ADGRB3: variants seen among roughly 807,000 people sequenced by gnomAD.
ADGRB3 encodes adhesion G protein-coupled receptor B3, also known as brain-specific angiogenesis inhibitor 3.
ADGRB3 carries 37 observed loss-of-function variants against 193.4 expected under a neutral mutation model. That is an observed-to-expected ratio of 0.19 (90% CI 0.15 to 0.25). The LOEUF is 0.25. Ranked by LOEUF, ADGRB3 falls within the 10% of genes least tolerant of loss-of-function variation. ADGRB3 has a pLI of 1.00. For synonymous variants in ADGRB3, 690 were observed against 644.2 expected (o/e 1.07, Z -1.08); for missense variants, 1,637 against 1,852.9 (o/e 0.88, Z 2.14).
intron 26 of ADGRB3, among the ~76,000 whole-genome samples, chr6:69,351,095 C>CTTT (rs10649928): frequency 0.023 from 3,201 of 139,212 alleles, 67 homozygotes; most frequent in Non-Finnish European, 0.028. Context: ...TCCCTAGATA[C>CTTT]TTTTTTTTTT....
chr6:68,818,564 GA>G (rs1166439667), intron 3 of ADGRB3, among the ~76,000 whole-genome samples: 3 of 152,014 alleles, frequency 2.0e-5, no homozygotes, highest in East Asian at 1.9e-4. Context: ...TGGAAAGGGG[GA>G]AAAAAGGTGC....
intron 17 of ADGRB3, among the ~76,000 whole-genome samples, chr6:69,176,771 G>A (rs1002583304): frequency 6.6e-6 from 1 of 152,076 alleles, no homozygotes; most frequent in African/African-American, 2.4e-5. Flanking sequence ...TTTTCATCAC[G>A]TTAGTTAAGT....
chr6:68,749,343 C>T (rs1461925664), intron 3 of ADGRB3, among the ~76,000 whole-genome samples: 3 of 151,082 alleles, frequency 2.0e-5, no homozygotes, highest in South Asian at 4.2e-4. Context: ...TTGCAGGCAG[C>T]CTATTGTGGG....
intron 31 of ADGRB3, 21 bp downstream of exon 31, chr6:69,382,956 T>C (rs773330466): frequency 6.7e-7 from 1 of 1,496,302 alleles, no homozygotes; most frequent in African/African-American, 1.4e-5. Context: ...TTTGCTTCAA[T>C]GCCTGAGTAG....
At position 68,879,042 on chromosome 6, in the gene ADGRB3, A is replaced by T. The variant is rs79832123; in HGVS notation, c.758-51517A>T. 2.6e-5 allele frequency among the ~76,000 whole-genome samples: 4 copies of T among 152,116 alleles called. No homozygotes were observed. In the East Asian group the frequency reaches 7.7e-4, roughly 29 times the overall value. ...GCATGGGAATTATGGAAGCTACAAG[A>T]TGAGATTTGGGTGGGGACACAGAGC... On this transcript the variant is annotated intron_variant, in intron 3 of 31. Coordinates refer to ENST00000370598, the MANE Select transcript of ADGRB3 (RefSeq NM_001704.3).
At chr6:69,008,079 C>T (rs1167178450) in intron 11 of ADGRB3, among the ~76,000 whole-genome samples, 1 of 152,064 alleles carries the variant, frequency 6.6e-6, no homozygotes, top group African/African-American at 2.4e-5. Flanking sequence ...GAGAGGAGCC[C>T]TCAATGGCAT....
intron 20 of ADGRB3, among the ~76,000 whole-genome samples, chr6:69,321,915 A>G (rs1321511806): frequency 6.6e-6 from 1 of 151,728 alleles, no homozygotes; most frequent in African/African-American, 2.4e-5. Flanking sequence ...ACGTAGGTAA[A>G]TGGGTGTTAT....
Position 69,382,894 on chromosome 6 carries a change from A to T in ADGRB3, c.4339A>T (p.Thr1447Ser). The T allele has an allele frequency of 6.2e-7, 1 of 1,609,884 alleles. No homozygotes were observed. Among genetic ancestry groups the T allele is most frequent in the South Asian group, 1.1e-5 (1 of 90,808 alleles). ...TCAAGAACTAAATCAGAAATTTCAA[A>T]CTTTGGACAGATTTCGGGATATACC... ...LFQELNQKFQTLDRFRDIPNT... is the reference protein window; with the variant it reads ...LFQELNQKFQSLDRFRDIPNT... Residue 1447 changes from threonine to serine, a missense_variant, in exon 31 of 32, where the codon ACT (threonine) becomes TCT (serine). Transcript: ENST00000370598.
At chr6:68,772,582 GAA>G (rs2127356712) in intron 3 of ADGRB3, among the ~76,000 whole-genome samples, 1 of 152,038 alleles carries the variant, frequency 6.6e-6, no homozygotes, top group African/African-American at 2.4e-5. Flanking sequence ...TCAATTCTGA[GAA>G]AAGTCTTATT....
intron 20 of ADGRB3, among the ~76,000 whole-genome samples, chr6:69,246,946 G>A (rs1766511272): frequency 6.6e-6 from 1 of 152,196 alleles, no homozygotes; most frequent in African/African-American, 2.4e-5. Context: ...TTGTTCATTT[G>A]TGCTGAGGGA....
intron 17 of ADGRB3, chr6:69,232,338 C>T: frequency 8.5e-7 from 1 of 1,182,714 alleles, no homozygotes. Flanking sequence ...TCTCCCCCAT[C>T]CCCCCCACCA....
chr6:68,924,500 C>T (rs972052453), intron 3 of ADGRB3, among the ~76,000 whole-genome samples: 2 of 151,734 alleles, frequency 1.3e-5, no homozygotes, highest in African/African-American at 2.4e-5. Flanking sequence ...CTAAATATAC[C>T]GAATATATTT....
At chr6:69,091,113 G>A (rs1772691964) in intron 17 of ADGRB3, among the ~76,000 whole-genome samples, 1 of 152,108 alleles carries the variant, frequency 6.6e-6, no homozygotes, top group South Asian at 2.1e-4. Context: ...CAGTCAGAAT[G>A]GCTATTACTA....
chr6:69,267,919 A>G (rs984139955), intron 20 of ADGRB3, among the ~76,000 whole-genome samples: 4 of 152,096 alleles, frequency 2.6e-5, no homozygotes, highest in Non-Finnish European at 4.4e-5. Flanking sequence ...GGCTCTGATC[A>G]TGACACCTAG....
At chr6:69,366,120 AT>A (rs796147320) in intron 29 of ADGRB3, among the ~76,000 whole-genome samples, 51 of 151,930 alleles carry the variant, frequency 3.4e-4, no homozygotes, top group Non-Finnish European at 6.6e-4. Context: ...TCTTTTTTAC[AT>A]TTTTTTCTCT....
At chr6:68,796,561 G>A (rs182364729) in intron 3 of ADGRB3, among the ~76,000 whole-genome samples, 1 of 152,234 alleles carries the variant, frequency 6.6e-6, no homozygotes, top group East Asian at 1.9e-4. Flanking sequence ...AGCACTTTCT[G>A]AATACAGATC....
At chr6:69,256,928 G>C (rs890681354) in intron 20 of ADGRB3, among the ~76,000 whole-genome samples, 6 of 151,994 alleles carry the variant, frequency 3.9e-5, no homozygotes, top group Non-Finnish European at 8.8e-5. Flanking sequence ...GTTGAATTTT[G>C]TCAAAGACCT....
intron 17 of ADGRB3, among the ~76,000 whole-genome samples, chr6:69,087,484 A>G (rs1055897526): frequency 1.3e-5 from 2 of 152,140 alleles, no homozygotes; most frequent in African/African-American, 4.8e-5. Context: ...TTGCTCTCAT[A>G]TAAAAGACCC....
At chr6:68,646,968 C>T (rs1768230993) in intron 3 of ADGRB3, among the ~76,000 whole-genome samples, 1 of 152,078 alleles carries the variant, frequency 6.6e-6, no homozygotes, top group Admixed American at 6.6e-5. Flanking sequence ...TCCTGGGGAC[C>T]AGAGAAGGGA....
Sources: allele counts gnomAD v4.1 joint callset (sites outside exome capture counted in the v4.1 genomes callset), GRCh38; gene constraint gnomAD v4.1.1; transcripts MANE v1.5; gene names NCBI Gene and HGNC (gene_info 2026-07-23, HGNC 2026-07-21).